The following FADS2 variants were observed in gnomAD, a reference collection of about 807,000 sequenced individuals.
The protein encoded by FADS2 is acyl-CoA 6-desaturase.
FADS2 carries 18 observed loss-of-function variants against 61.2 expected under a neutral mutation model. The observed-to-expected ratio is 0.29, with a 90% CI of 0.20 to 0.44. FADS2 has a LOEUF of 0.44. Ranked by LOEUF, FADS2 falls within the 20% of genes least tolerant of loss-of-function variation. The pLI is 1.00. For missense variants in FADS2, 322 were observed against 572.7 expected (o/e 0.56, Z 4.47); for synonymous variants, 203 against 223.9 (o/e 0.91, Z 0.83).
rs780765996 is a variant in FADS2 at position 61,828,367 on chromosome 11, G to C, written c.-24G>C. On this transcript the variant is annotated 5_prime_UTR_variant, in exon 1 of 12. Transcript: ENST00000278840. The surrounding 1 kb of genome is among the most constrained non-coding windows in gnomAD (Gnocchi z 6.4). The stretch of plus-strand genomic sequence containing the variant: ...CCGGCGCGGGGAGGCCGCAGTGCAC[G>C]GGGCGTCACAGTCGGCAGGCAGCAT... The C allele has an allele frequency of 6.3e-4, 978 of 1,550,146 alleles. 2 individuals are homozygous for C. Among genetic ancestry groups the C allele is most frequent in the South Asian group, 6.2e-4 (52 of 83,996 alleles).
chr11:61,844,587 C>A (rs934155929), intron 4 of FADS2, among the ~76,000 whole-genome samples: 1 of 150,978 alleles, frequency 6.6e-6, no homozygotes, highest in African/African-American at 2.4e-5. Context: ...TTAAGCTAAT[C>A]GCTTGGTTGA....
chr11:61,854,747 G>T (rs909200180), intron 5 of FADS2: 1 of 152,420 alleles, frequency 6.6e-6, no homozygotes, highest in East Asian at 1.9e-4. Flanking sequence ...TGGTTTGGGA[G>T]GGGAGTATTG....
At chr11:61,826,279 T>C, upstream of FADS2, 1 of 702,562 alleles carries the variant, frequency 1.4e-6, no homozygotes, top group Non-Finnish European at 2.6e-6. Context: ...TTATGTTTTT[T>C]CAGGACCTAC....
intron 1 of FADS2, among the ~76,000 whole-genome samples, chr11:61,821,725 A>G (rs1330363479): frequency 1.3e-5 from 2 of 152,254 alleles, no homozygotes; most frequent in Admixed American, 6.5e-5. Flanking sequence ...AATAAAGTTG[A>G]CAGAATCAGT....
rs149581622 is a variant in FADS2, at chr11:61,864,201, T to TA, written c.1157+416dup. 8.9e-3 allele frequency: 1,387 copies of TA among 155,400 alleles called. 24 individuals are homozygous for TA. The highest frequency in any genetic ancestry group is 0.032 in the African/African-American group (1,304 of 40,582). 9.6% of individuals were successfully genotyped at this position (155,400 alleles called of 1,614,324 possible). A position where few individuals can be genotyped will look rare whatever the true frequency, so the allele number is the denominator to read the frequency against. On this transcript the variant is annotated intron_variant, in intron 10 of 11. Transcript: ENST00000278840. ...TCTTGTCACTGTTTTTTTTTTTTTT[T>TA]ATTAAAAAATAAAAAATGTAGAGAC...
At chr11:61,848,526 C>T (rs1405330372) in intron 5 of FADS2, among the ~76,000 whole-genome samples, 1 of 152,180 alleles carries the variant, frequency 6.6e-6, no homozygotes, top group Non-Finnish European at 1.5e-5. Flanking sequence ...TCCTGCTACA[C>T]AGATACCTCT....
At chr11:61,853,552 G>T (rs1591177336) in intron 5 of FADS2, among the ~76,000 whole-genome samples, 1 of 152,132 alleles carries the variant, frequency 6.6e-6, no homozygotes, top group South Asian at 2.1e-4. Context: ...GTGTAAAGGG[G>T]CCTCAGAAGC....
intron 4 of FADS2, among the ~76,000 whole-genome samples, chr11:61,845,507 G>A (rs1056225319): frequency 6.6e-6 from 1 of 152,132 alleles, no homozygotes; most frequent in Non-Finnish European, 1.5e-5. Context: ...AAGAATGGAA[G>A]AGAGGCCCGG....
At position 61,852,314 on chromosome 11, in the gene FADS2, G is replaced by A. The variant is rs146163385; in HGVS notation, c.744+4030G>A. On this transcript the variant is annotated intron_variant, in intron 5 of 11. Coordinates refer to ENST00000278840, the MANE Select transcript of FADS2 (RefSeq NM_004265.4). ...CATGCTCTGTCACCTTGGCTAGAGC[G>A]TAGTGGCGCAATCTCGGTTCACTGC... 4.1e-3 allele frequency among the ~76,000 whole-genome samples: 629 copies of A among 152,276 alleles called. 1 individual carries two copies. The highest frequency in any genetic ancestry group is 5.4e-3 in the Non-Finnish European group (370 of 68,026).
At chr11:61,837,286 C>A (rs1335509582) in intron 1 of FADS2, among the ~76,000 whole-genome samples, 1 of 152,192 alleles carries the variant, frequency 6.6e-6, no homozygotes, top group Non-Finnish European at 1.5e-5. Flanking sequence ...TTATTTACTT[C>A]ATCACAGCAC....
intron 5 of FADS2, chr11:61,856,227 A>T (rs2067357902): frequency 6.6e-6 from 1 of 152,112 alleles, no homozygotes; most frequent in African/African-American, 2.4e-5. Flanking sequence ...CGTGGTTCCT[A>T]TGCCTGGCAT....
chr11:61,853,282 CCCTCCCTCCCTTCCTT>C (rs2067325355), intron 5 of FADS2, among the ~76,000 whole-genome samples: 2 of 61,382 alleles, frequency 3.3e-5, no homozygotes, highest in South Asian at 8.4e-4. Flanking sequence ...TCCCTTCCCT[CCCTCCCTCCCTTCCTT>C]CCTTCCTTCC....
chr11:61,835,367 G>T (rs759288749), intron 1 of FADS2, among the ~76,000 whole-genome samples: 3 of 151,574 alleles, frequency 2.0e-5, no homozygotes, highest in Non-Finnish European at 4.4e-5. Context: ...TTCCAGGAGT[G>T]GTTAGCACTT....
At chr11:61,856,955 A>G (rs541122999) in intron 5 of FADS2, 56 bp from the exon 6 acceptor site, 5 of 1,405,376 alleles carry the variant, frequency 3.6e-6, no homozygotes, top group Non-Finnish European at 5.1e-6. Flanking sequence ...GTTGGGGAAC[A>G]TGGGAGGCTG....
chr11:61,824,429 AGAGAGGGAGGGAGGGAGGGAGGGAGG>A (rs1565325155), upstream of FADS2, among the ~76,000 whole-genome samples: 53 of 7,532 alleles, frequency 7.0e-3, no homozygotes, highest in African/African-American at 0.014. Context: ...AGAGAGAGAG[AGAGAGGGAGGGAGGGAGGGAGGGAGG>A]GAGGGAGAGA....
Position 61,842,773 on chromosome 11 carries a change from T to C in FADS2, c.618+2048T>C, listed in dbSNP as rs377080258. Reference sequence around the variant, plus strand: ...GCACGGAGGTCAAGCTTGCCTGAAATTGGCTCTAGCACTCGGCAGGTGCAC... The same window carrying C: ...GCACGGAGGTCAAGCTTGCCTGAAACTGGCTCTAGCACTCGGCAGGTGCAC... On this transcript the variant is annotated intron_variant, in intron 4 of 11. Coordinates refer to ENST00000278840, the MANE Select transcript of FADS2 (RefSeq NM_004265.4). Among the ~76,000 whole-genome samples the C allele has an allele frequency of 2.6e-5, 4 of 152,154 alleles. No individual in the cohort carries two copies. In the East Asian group the frequency reaches 7.7e-4, roughly 29 times the overall value.
At position 61,865,810 on chromosome 11, in the gene FADS2, A is replaced by G; in HGVS notation, c.*121A>G. 2 of 777,206 alleles carry G rather than the reference A, an allele frequency of 2.6e-6. No individual in the cohort carries two copies. The highest frequency in any genetic ancestry group is 5.4e-5 in the East Asian group (2 of 36,822). The allele number at this position is 777,206 out of a possible 1,614,324, so 48.1% of individuals were successfully genotyped here. A position where few individuals can be genotyped will look rare whatever the true frequency, so the allele number is the denominator to read the frequency against. On this transcript the variant is annotated 3_prime_UTR_variant, in exon 12 of 12. Transcript: ENST00000278840. The surrounding 1 kb of genome is among the most constrained non-coding windows in gnomAD (Gnocchi z 4.1). ...GGTGTATGCACTGCTCACGGACCCC[A>G]TGTTGGATCTTTCTCCCTTTCTCCT...
chr11:61,828,100 GT>G, upstream of FADS2: 1 of 1,308,902 alleles, frequency 7.6e-7, no homozygotes, highest in Non-Finnish European at 9.7e-7. This position sits in a 1 kb window ranked among gnomAD's most constrained non-coding sequence, Gnocchi z 6.4. Context: ...CTCCCGGGGA[GT>G]TTTTACTGGA....
chr11:61,843,663 T>C (rs1402665004), intron 4 of FADS2, among the ~76,000 whole-genome samples: 1 of 152,290 alleles, frequency 6.6e-6, no homozygotes. Flanking sequence ...AATGTGGTTT[T>C]GTTTTGTTTT....
Sources: gnomAD v4.1 joint callset for allele counts (sites outside exome capture counted in the v4.1 genomes callset) on GRCh38, gnomAD v4.1.1 for gene constraint, Gnocchi (gnomAD v3.1) non-coding constraint, MANE v1.5 for transcripts, NCBI Gene and HGNC (gene_info 2026-07-23, HGNC 2026-07-21) for gene names.